Variants in UST observed in about 807,000 individuals in gnomAD.
UST encodes chondroitin sulfate 2-O-sulfotransferase.
In UST, 21 loss-of-function variants were observed where a neutral mutation model predicts 45.6. The ratio of observed to expected loss-of-function variants is 0.46; its 90% CI spans 0.33 to 0.66. The LOEUF (loss-of-function observed/expected upper bound fraction) is 0.66. UST is among the 30% of genes least tolerant of loss of function. UST has a pLI of 0.02. For missense variants in UST, 463 were observed against 512.4 expected, an observed-to-expected ratio of 0.90 and a Z score of 0.93; for synonymous variants, 215 against 200.6, an observed-to-expected ratio of 1.07 and a Z score of -0.61.
chr6:148,767,893 T>C (rs1776351074), intron 1 of UST, among the ~76,000 whole-genome samples: 1 of 152,198 alleles, frequency 6.6e-6, no homozygotes, highest in Admixed American at 6.5e-5. Flanking sequence ...CCTGTGAATA[T>C]ACTATTAATT....
intron 2 of UST, among the ~76,000 whole-genome samples, chr6:148,890,241 A>T (rs377554468): frequency 3.5e-4 from 54 of 152,290 alleles, no homozygotes; most frequent in African/African-American, 1.2e-3. Flanking sequence ...CAGGGTGGAA[A>T]TGAATCTCAG....
chr6:148,773,518 TAA>T lies in UST; in HGVS notation c.247+25842_247+25843del, dbSNP rs1259167051. The stretch of plus-strand genomic sequence containing the variant: ...TTGGAATTATATGACATGTATGTAT[TAA>T]GAGTCTAATTTATTTTTCAAGTATA... On this transcript the variant is annotated intron_variant, in intron 1 of 7. Transcript: ENST00000367463. Among the ~76,000 whole-genome samples, 5 of 152,104 alleles carry T rather than the reference TAA, an allele frequency of 3.3e-5. No individual in the cohort carries two copies. The East Asian group carries it at 7.7e-4, about 23-fold the overall frequency.
chr6:149,029,907 TGTG>T (rs1776114224), intron 7 of UST, among the ~76,000 whole-genome samples: 1 of 146,830 alleles, frequency 6.8e-6, no homozygotes, highest in African/African-American at 2.6e-5. Context: ...TGTGTGTGTG[TGTG>T]GTGTGTGCAC....
intron 7 of UST, among the ~76,000 whole-genome samples, chr6:149,057,229 G>A (rs1371296629): frequency 6.6e-6 from 1 of 152,138 alleles, no homozygotes; most frequent in Non-Finnish European, 1.5e-5. Flanking sequence ...TCATCATGTG[G>A]TGTAATTTGC....
At chr6:148,869,469 A>G (rs79496067) in intron 1 of UST, among the ~76,000 whole-genome samples, 2,731 of 152,330 alleles carry the variant, frequency 0.018, 37 homozygotes, top group Non-Finnish European at 0.028. Flanking sequence ...AATGACTTCA[A>G]TAATTTCCAC....
chr6:149,022,684 C>T (rs935585528), intron 7 of UST, among the ~76,000 whole-genome samples: 4 of 152,198 alleles, frequency 2.6e-5, no homozygotes, highest in Admixed American at 1.3e-4. Flanking sequence ...ACAGGGTTCC[C>T]GAACCCCACC....
At chr6:149,000,705 A>G (rs754143892) in intron 5 of UST, among the ~76,000 whole-genome samples, 3 of 152,242 alleles carry the variant, frequency 2.0e-5, no homozygotes, top group Non-Finnish European at 4.4e-5. Context: ...CAAAAGAATG[A>G]ATAGCTTCCA....
At chr6:149,005,191 G>A (rs1781624378) in intron 5 of UST, 1 of 564,212 alleles carries the variant, frequency 1.8e-6, no homozygotes, top group Non-Finnish European at 2.2e-6. Context: ...GGCTTGGGTA[G>A]GGCAGGAGGT....
intron 7 of UST, among the ~76,000 whole-genome samples, chr6:149,050,279 T>C (rs993156455): frequency 6.6e-6 from 1 of 152,232 alleles, no homozygotes; most frequent in Non-Finnish European, 1.5e-5. Flanking sequence ...CAAGTCACTG[T>C]AGTAGTAAGA....
intron 2 of UST, among the ~76,000 whole-genome samples, chr6:148,919,003 C>G (rs781208426): frequency 3.3e-5 from 5 of 152,142 alleles, no homozygotes; most frequent in Non-Finnish European, 7.3e-5. Flanking sequence ...TTGATTCCCA[C>G]CACCATCTTT....
chr6:148,867,595 G>C (rs1470909782), intron 1 of UST, among the ~76,000 whole-genome samples: 2 of 152,150 alleles, frequency 1.3e-5, no homozygotes, highest in Non-Finnish European at 2.9e-5. Flanking sequence ...TCTCGTGGTA[G>C]TGAATAAGTC....
At chr6:148,776,840 C>G (rs567285357) in intron 1 of UST, among the ~76,000 whole-genome samples, 1 of 152,114 alleles carries the variant, frequency 6.6e-6, no homozygotes, top group Non-Finnish European at 1.5e-5. Flanking sequence ...CCTCTGGATC[C>G]GTCATGATGG....
At chr6:148,890,183 A>G (rs1778987378) in intron 2 of UST, among the ~76,000 whole-genome samples, 1 of 152,186 alleles carries the variant, frequency 6.6e-6, no homozygotes, top group South Asian at 2.1e-4. Context: ...ATGGGTAAAA[A>G]TATTACTGGT....
chr6:148,784,443 A>G (rs1223515917), intron 1 of UST, among the ~76,000 whole-genome samples: 1 of 152,132 alleles, frequency 6.6e-6, no homozygotes, highest in East Asian at 1.9e-4. Flanking sequence ...CACCATCTCA[A>G]ATCCTCTCAA....
At chr6:148,794,518 G>A (rs1280321389) in intron 1 of UST, among the ~76,000 whole-genome samples, 1 of 152,174 alleles carries the variant, frequency 6.6e-6, no homozygotes, top group Non-Finnish European at 1.5e-5. Context: ...AGCTTTAGGA[G>A]ATTTGATGAT....
intron 2 of UST, among the ~76,000 whole-genome samples, chr6:148,917,428 T>C (rs1454574620): frequency 6.6e-6 from 1 of 152,186 alleles, no homozygotes; most frequent in Non-Finnish European, 1.5e-5. Flanking sequence ...TAACTGTATA[T>C]AAAGAGACCG....
chr6:148,779,362 A>T (rs1776594806), intron 1 of UST, among the ~76,000 whole-genome samples: 1 of 152,298 alleles, frequency 6.6e-6, no homozygotes, highest in South Asian at 2.1e-4. Flanking sequence ...TTTTCAAGGG[A>T]ATCTCTTTGA....
At position 148,784,111 on chromosome 6, in the gene UST, A is replaced by G. The variant is rs868060274; in HGVS notation, c.247+36434A>G. 2.5e-4 allele frequency among the ~76,000 whole-genome samples: 38 copies of G among 152,184 alleles called. 1 individual carries two copies. Among genetic ancestry groups the G allele is most frequent in the African/African-American group, 8.7e-4 (36 of 41,428 alleles). On this transcript the variant is annotated intron_variant, in intron 1 of 7. Coordinates refer to ENST00000367463, the MANE Select transcript of UST (RefSeq NM_005715.3). Reference sequence around the variant, plus strand: ...ATTTTAAATAAAGACTGACTTTTATATGTGAATAATTTATGAAAGAAACTG... The same window carrying G: ...ATTTTAAATAAAGACTGACTTTTATGTGTGAATAATTTATGAAAGAAACTG...
chr6:148,964,375 G>A, intron 4 of UST, 35 bp from the exon 5 acceptor site: 1 of 1,611,744 alleles, frequency 6.2e-7, no homozygotes, highest in Middle Eastern at 1.7e-4. Flanking sequence ...TCGTCCTGCA[G>A]TGATGGGTTG....
Sources: gnomAD v4.1 joint callset for allele counts (sites outside exome capture counted in the v4.1 genomes callset) on GRCh38, gnomAD v4.1.1 for gene constraint, MANE v1.5 for transcripts, NCBI Gene and HGNC (gene_info 2026-07-23, HGNC 2026-07-21) for gene names.